TBC1D1: variants seen among roughly 807,000 people sequenced by gnomAD.
The protein encoded by TBC1D1 is TBC1 domain family member 1, also known as TBC1 (tre-2/USP6, BUB2, cdc16) domain family, member 1.
In TBC1D1, 89 loss-of-function variants were observed where a neutral mutation model predicts 125.6. The observed-to-expected ratio is 0.71, with a 90% CI of 0.60 to 0.85. The LOEUF (loss-of-function observed/expected upper bound fraction) is 0.85, where lower values mean the gene tolerates loss of function less well. Among genes scored for constraint, TBC1D1 ranks in the 40% least tolerant of loss-of-function variants. The pLI, the probability that TBC1D1 is intolerant of heterozygous loss-of-function variation, is 0.00. For synonymous variants in TBC1D1, 565 were observed against 564.1 expected (o/e 1.00, Z -0.02); for missense variants, 1,377 against 1,469.2 (o/e 0.94, Z 1.03).
At chr4:38,042,411 C>G (rs918000922) in intron 8 of TBC1D1, among the ~76,000 whole-genome samples, 2 of 151,850 alleles carry the variant, frequency 1.3e-5, no homozygotes, top group Non-Finnish European at 2.9e-5. Context: ...TGCACCACCA[C>G]ACCTGGCTAA....
chr4:37,963,720 T>C (rs1730508363), intron 2 of TBC1D1, among the ~76,000 whole-genome samples: 1 of 152,234 alleles, frequency 6.6e-6, no homozygotes, highest in Non-Finnish European at 1.5e-5. Flanking sequence ...TGGGTAGTAA[T>C]TACATGGGTG....
chr4:37,926,854 C>T (rs1005929112), intron 2 of TBC1D1, among the ~76,000 whole-genome samples: 17 of 152,158 alleles, frequency 1.1e-4, no homozygotes, highest in South Asian at 2.1e-4. Flanking sequence ...TGGTGGCTCA[C>T]GCCTGTAATC....
intron 1 of TBC1D1, among the ~76,000 whole-genome samples, chr4:37,898,746 C>G (rs1349996869): frequency 1.3e-5 from 2 of 152,126 alleles, no homozygotes; most frequent in African/African-American, 4.8e-5. Context: ...TTTCTACCAG[C>G]AGGATAACTG....
chr4:38,043,065 C>A (rs1025424724), intron 8 of TBC1D1, among the ~76,000 whole-genome samples: 2 of 151,982 alleles, frequency 1.3e-5, no homozygotes, highest in Admixed American at 1.3e-4. Context: ...CTACACCCGG[C>A]TGTTTTTTGT....
At chr4:37,942,441 C>T (rs568127954) in intron 2 of TBC1D1, among the ~76,000 whole-genome samples, 3 of 152,126 alleles carry the variant, frequency 2.0e-5, no homozygotes, top group Non-Finnish European at 2.9e-5. Context: ...ATGGGTCTCC[C>T]GAGTACAGCA....
chr4:38,120,160 A>T, intron 17 of TBC1D1: 1 of 942,518 alleles, frequency 1.1e-6, no homozygotes, highest in Non-Finnish European at 1.3e-6. Flanking sequence ...TCGGAGTTTC[A>T]TAAACATTAT....
Position 38,018,064 on chromosome 4 carries a change from C to T in TBC1D1, c.883-290C>T, listed in dbSNP as rs375396954. Among the ~76,000 whole-genome samples, 31 of 152,294 alleles carry T rather than the reference C, an allele frequency of 2.0e-4. 1 individual carries two copies. The East Asian group carries it at 4.1e-3, about 20-fold the overall frequency. ...TAGATTCTGTTTTCTGGAAGGTTCA[C>T]TTATGCGGAGACCTCAGTTTTTAGG... On this transcript the variant is annotated intron_variant, in intron 3 of 19. Transcript: ENST00000261439.
At chr4:37,971,038 T>C (rs2152344924) in intron 2 of TBC1D1, among the ~76,000 whole-genome samples, 1 of 152,216 alleles carries the variant, frequency 6.6e-6, no homozygotes, top group South Asian at 2.1e-4. Flanking sequence ...AAGAAGAAAT[T>C]GGCAGAAGAG....
chr4:37,942,927 G>C (rs902622483), intron 2 of TBC1D1, among the ~76,000 whole-genome samples: 1 of 152,142 alleles, frequency 6.6e-6, no homozygotes, highest in African/African-American at 2.4e-5. Flanking sequence ...TTTCTTCCTA[G>C]CATTGACGGT....
chr4:38,119,369 G>T (rs1272374859), intron 17 of TBC1D1, among the ~76,000 whole-genome samples: 1 of 151,730 alleles, frequency 6.6e-6, no homozygotes, highest in African/African-American at 2.4e-5. Flanking sequence ...CCTTTAAAGA[G>T]TTTCCCATTT....
intron 6 of TBC1D1, among the ~76,000 whole-genome samples, chr4:38,022,181 A>T (rs1329585810): frequency 2.0e-5 from 3 of 151,424 alleles, no homozygotes; most frequent in African/African-American, 7.4e-5. Context: ...GTTGAGGAGC[A>T]AATGGGAAGA....
At chr4:38,089,288 A>T (rs1758040942) in intron 12 of TBC1D1, among the ~76,000 whole-genome samples, 4 of 152,240 alleles carry the variant, frequency 2.6e-5, no homozygotes, top group Admixed American at 2.6e-4. Context: ...TAAAATGCCC[A>T]GCGCAGTGCC....
At chr4:37,900,304 TGG>T (rs1715642739) in intron 1 of TBC1D1, among the ~76,000 whole-genome samples, 1 of 151,328 alleles carries the variant, frequency 6.6e-6, no homozygotes, top group Non-Finnish European at 1.5e-5. Context: ...AAACCAGGAA[TGG>T]ATGGTCAATA....
At chr4:37,951,792 G>T (rs898748826) in intron 2 of TBC1D1, among the ~76,000 whole-genome samples, 9 of 152,198 alleles carry the variant, frequency 5.9e-5, no homozygotes, top group Admixed American at 5.9e-4. Flanking sequence ...TGTTTGTCCA[G>T]GAGAATAAAC....
chr4:38,110,787 G>T lies in TBC1D1; in HGVS notation c.2558-4923G>T, dbSNP rs542606733. ...GCAGGCCTCATATCCTGATAGATTT[G>T]TAGGAAGGATTGCACAGTTTTACCC... On this transcript the variant is annotated intron_variant, in intron 15 of 19. Coordinates refer to ENST00000261439, the MANE Select transcript of TBC1D1 (RefSeq NM_015173.4). 42 of 985,460 alleles carry T rather than the reference G, an allele frequency of 4.3e-5. No homozygotes were observed. The East Asian group carries it at 1.2e-3, about 29-fold the overall frequency. The allele number at this position is 985,460 out of a possible 1,614,324, so 61.0% of individuals were successfully genotyped here.
chr4:38,063,113 G>A (rs1753068285), intron 12 of TBC1D1, among the ~76,000 whole-genome samples: 1 of 152,172 alleles, frequency 6.6e-6, no homozygotes, highest in Admixed American at 6.5e-5. Flanking sequence ...ACCTATACCA[G>A]GGAGCCATTG....
intron 2 of TBC1D1, among the ~76,000 whole-genome samples, chr4:37,937,209 A>T (rs548527964): frequency 1.9e-3 from 284 of 152,272 alleles, no homozygotes; most frequent in African/African-American, 6.6e-3. Flanking sequence ...TGAGAGTCCC[A>T]GACAGGAATC....
At chr4:37,994,805 C>A (rs1426826571) in intron 2 of TBC1D1, among the ~76,000 whole-genome samples, 5 of 152,140 alleles carry the variant, frequency 3.3e-5, no homozygotes, top group African/African-American at 1.2e-4. Flanking sequence ...GCTTTTTGTT[C>A]CTTTTCATTC....
intron 2 of TBC1D1, among the ~76,000 whole-genome samples, chr4:37,973,815 A>G (rs1732521575): frequency 6.6e-6 from 1 of 152,182 alleles, no homozygotes; most frequent in South Asian, 2.1e-4. Flanking sequence ...TTTAAGACCA[A>G]TGTTAATGAA....
Sources: allele counts gnomAD v4.1 joint callset (sites outside exome capture counted in the v4.1 genomes callset), GRCh38; gene constraint gnomAD v4.1.1; transcripts MANE v1.5; gene names NCBI Gene and HGNC (gene_info 2026-07-23, HGNC 2026-07-21).